The following PRKCB variants were observed in gnomAD, a reference collection of about 807,000 sequenced individuals.
The protein encoded by PRKCB is protein kinase C beta.
Under a neutral mutation model 81.5 loss-of-function variants are expected in PRKCB, and 13 were observed. The ratio of observed to expected loss-of-function variants is 0.16; its 90% CI spans 0.10 to 0.25. The LOEUF (loss-of-function observed/expected upper bound fraction) is 0.25. Ranked by LOEUF, PRKCB falls within the 10% of genes least tolerant of loss-of-function variation. The pLI is 1.00. For missense variants in PRKCB, 509 were observed against 875.7 expected, an observed-to-expected ratio of 0.58 and a Z score of 5.29; for synonymous variants, 335 against 321.4, an observed-to-expected ratio of 1.04 and a Z score of -0.45.
At chr16:24,142,434 C>A (rs1966914565) in intron 9 of PRKCB, among the ~76,000 whole-genome samples, 1 of 152,164 alleles carries the variant, frequency 6.6e-6, no homozygotes, top group Non-Finnish European at 1.5e-5. Flanking sequence ...GGGTGAGTGC[C>A]CCGGGAAGAG....
intron 5 of PRKCB, among the ~76,000 whole-genome samples, chr16:24,077,732 T>C (rs570615177): frequency 1.3e-5 from 2 of 152,362 alleles, no homozygotes; most frequent in East Asian, 3.8e-4. Context: ...TCTTCTCCCT[T>C]CATCCCTGAA....
intron 7 of PRKCB, among the ~76,000 whole-genome samples, chr16:24,096,702 T>C (rs1198655786): frequency 7.6e-6 from 1 of 130,890 alleles, no homozygotes; most frequent in African/African-American, 2.9e-5. Flanking sequence ...TATATATATA[T>C]ATATCCTCCA....
intron 9 of PRKCB, among the ~76,000 whole-genome samples, chr16:24,147,080 G>A (rs1350300767): frequency 1.8e-4 from 27 of 151,850 alleles, no homozygotes; most frequent in Admixed American, 2.6e-4. Context: ...AGGCTGAGGC[G>A]GGCGGATCAC....
chr16:23,912,462 G>T (rs1279449135), intron 2 of PRKCB, among the ~76,000 whole-genome samples: 3 of 142,988 alleles, frequency 2.1e-5, no homozygotes, highest in African/African-American at 7.8e-5. Context: ...TTTGCCTGTG[G>T]TTTTACTGTT....
chr16:24,210,502 CTTT>C (rs34059803), intron 16 of PRKCB, among the ~76,000 whole-genome samples: 1 of 144,024 alleles, frequency 6.9e-6, no homozygotes. Context: ...CTTTCTTCTT[CTTT>C]TTTTTTTTTT....
rs1029880849 is a variant in PRKCB at position 24,035,648 on chromosome 16, G to A, written c.529+101G>A. 6 of 1,163,270 alleles carry A rather than the reference G, an allele frequency of 5.2e-6. 2 individuals are homozygous for A. Among genetic ancestry groups the A allele is most frequent in the Admixed American group, 2.4e-5 (1 of 41,466 alleles). The allele number at this position is 1,163,270 out of a possible 1,614,324, so 72.1% of individuals were successfully genotyped here. ...GGTGGGGCAGTCCAGTGGAGGGGTG[G>A]GGCAGTCCAGGGACGGGGAGGGGGT... On this transcript the variant is annotated intron_variant, in intron 5 of 16. Coordinates refer to ENST00000643927, the MANE Select transcript of PRKCB (RefSeq NM_002738.7).
intron 5 of PRKCB, among the ~76,000 whole-genome samples, chr16:24,068,215 A>G (rs535395899): frequency 6.6e-6 from 1 of 152,164 alleles, no homozygotes; most frequent in African/African-American, 2.4e-5. Flanking sequence ...CTCTCAGCTG[A>G]TTTCTGTTTT....
rs935292117 is a variant in PRKCB at position 24,011,654 on chromosome 16, C to T, written c.289-20482C>T. Among the ~76,000 whole-genome samples, 3 of 152,110 alleles carry T rather than the reference C, an allele frequency of 2.0e-5. No homozygotes were observed. In the South Asian group the frequency reaches 6.2e-4, roughly 32 times the overall value. Reference sequence around the variant, plus strand: ...ACCTCAGCCTCCTGAGTGGTTAGGACCACAGGCATACACCACCACACCTGG... The same window carrying T: ...ACCTCAGCCTCCTGAGTGGTTAGGATCACAGGCATACACCACCACACCTGG... On this transcript the variant is annotated intron_variant, in intron 3 of 16. Coordinates refer to ENST00000643927, the MANE Select transcript of PRKCB (RefSeq NM_002738.7).
chr16:23,921,987 G>A (rs1386013749), intron 2 of PRKCB, among the ~76,000 whole-genome samples: 1 of 152,088 alleles, frequency 6.6e-6, no homozygotes, highest in Non-Finnish European at 1.5e-5. Context: ...GCAGGCAGGG[G>A]AACAGTAAGA....
intron 9 of PRKCB, among the ~76,000 whole-genome samples, chr16:24,136,917 G>A (rs182246254): frequency 5.9e-5 from 9 of 151,886 alleles, no homozygotes; most frequent in Admixed American, 3.9e-4. Flanking sequence ...TCACTCTGTC[G>A]CCCAGGCTGG....
chr16:24,167,863 C>G (rs1047889819), intron 10 of PRKCB, among the ~76,000 whole-genome samples: 1 of 152,230 alleles, frequency 6.6e-6, no homozygotes, highest in East Asian at 1.9e-4. Context: ...GTTACTTACC[C>G]TTTCTGAGCT....
chr16:24,058,568 G>A (rs1243717345), intron 5 of PRKCB, among the ~76,000 whole-genome samples: 1 of 152,156 alleles, frequency 6.6e-6, no homozygotes, highest in East Asian at 1.9e-4. Context: ...TAGCTATGAA[G>A]TCTGATTAAT....
At chr16:24,054,933 T>A (rs531888413) in intron 5 of PRKCB, among the ~76,000 whole-genome samples, 1 of 152,358 alleles carries the variant, frequency 6.6e-6, no homozygotes, top group South Asian at 2.1e-4. Flanking sequence ...GGTCTTGTTT[T>A]CCTGGAGGGC....
chr16:23,962,248 G>A (rs1964436181), intron 2 of PRKCB, among the ~76,000 whole-genome samples: 1 of 152,092 alleles, frequency 6.6e-6, no homozygotes, highest in African/African-American at 2.4e-5. Flanking sequence ...AACTCAGTGT[G>A]CCACAACCCT....
intron 5 of PRKCB, among the ~76,000 whole-genome samples, chr16:24,049,700 C>G (rs2141869057): frequency 6.6e-6 from 1 of 152,276 alleles, no homozygotes; most frequent in African/African-American, 2.4e-5. Flanking sequence ...ACAGCAGTAT[C>G]CTAAGAAAGT....
At chr16:23,910,908 T>C (rs762750311) in intron 2 of PRKCB, among the ~76,000 whole-genome samples, 1 of 152,056 alleles carries the variant, frequency 6.6e-6, no homozygotes, top group Non-Finnish European at 1.5e-5. Flanking sequence ...ACATTTTGTA[T>C]AAATAGAATC....
At chr16:23,986,292 C>A (rs1036946231) in intron 2 of PRKCB, among the ~76,000 whole-genome samples, 3 of 152,074 alleles carry the variant, frequency 2.0e-5, no homozygotes, top group African/African-American at 7.2e-5. Flanking sequence ...CTCATTAGGT[C>A]ACCCAGGCTG....
intron 2 of PRKCB, among the ~76,000 whole-genome samples, chr16:23,880,250 C>T (rs944920672): frequency 6.6e-6 from 1 of 152,088 alleles, no homozygotes; most frequent in Non-Finnish European, 1.5e-5. Context: ...GCTCTTTCCT[C>T]CTAGTATTAG....
intron 2 of PRKCB, among the ~76,000 whole-genome samples, chr16:23,923,159 G>A (rs1045409944): frequency 2.6e-5 from 4 of 152,030 alleles, no homozygotes; most frequent in Admixed American, 6.6e-5. Flanking sequence ...ATTCAAACTA[G>A]CTTAATTCAG....
Sources: gnomAD v4.1 joint callset for allele counts (sites outside exome capture counted in the v4.1 genomes callset) on GRCh38, gnomAD v4.1.1 for gene constraint, MANE v1.5 for transcripts, NCBI Gene and HGNC (gene_info 2026-07-23, HGNC 2026-07-21) for gene names.